SFXN5: variants seen among roughly 807,000 people sequenced by gnomAD.
The protein encoded by SFXN5 is sideroflexin-5.
Under a neutral mutation model 50.2 loss-of-function variants are expected in SFXN5, and 43 were observed. That is an observed-to-expected ratio of 0.86 (90% CI 0.67 to 1.11). The LOEUF (loss-of-function observed/expected upper bound fraction) is 1.11, where lower values mean the gene tolerates loss of function less well. Ranked by LOEUF, SFXN5 falls within the 50% of genes least tolerant of loss-of-function variation. The pLI, the probability that SFXN5 is intolerant of heterozygous loss-of-function variation, is 0.00. For missense variants in SFXN5, 463 were observed against 454.1 expected (o/e 1.02, Z -0.18); for synonymous variants, 203 against 185.8 (o/e 1.09, Z -0.75).
At chr2:72,954,903 C>T (rs997037650) in intron 13 of SFXN5, among the ~76,000 whole-genome samples, 6 of 152,250 alleles carry the variant, frequency 3.9e-5, no homozygotes, top group Non-Finnish European at 8.8e-5. Flanking sequence ...CTGGGAGAAA[C>T]TTGGTTCTTA....
chr2:73,054,414 G>T (rs571214486), intron 2 of SFXN5, among the ~76,000 whole-genome samples: 2 of 152,238 alleles, frequency 1.3e-5, no homozygotes, highest in South Asian at 4.1e-4. Context: ...ACTCATAGGA[G>T]AAATGGGCCA....
rs1362759197 is a variant in SFXN5, at chr2:72,973,763, C to T, written c.626-2078G>A. On this transcript the variant is annotated intron_variant, in intron 10 of 13. Transcript: ENST00000272433. The surrounding 1 kb of genome is among the most constrained non-coding windows in gnomAD (Gnocchi z 5.5). ...CAGGGTAGCCTTGGGAAGCAGCCAC[C>T]TGGCCTCTGTGTTAGTGACATGCCC... Among the ~76,000 whole-genome samples, 3 of 152,188 alleles carry T rather than the reference C, an allele frequency of 2.0e-5. No individual in the cohort carries two copies. The highest frequency in any genetic ancestry group is 2.0e-4 in the Admixed American group (3 of 15,282).
In SFXN5 at chr2:73,071,621, T is replaced by A. The variant is rs764283883; in HGVS notation, c.85A>T (p.Lys29Ter). 1 of 1,613,864 alleles carries A rather than the reference T, an allele frequency of 6.2e-7. No homozygotes were observed. The change falls in exon 1 of 14, where the codon AAA becomes TAA. Residue 29 changes from lysine (K) to a stop codon, truncating the protein, a stop_gained. Transcript: ENST00000272433. LOFTEE classifies it high-confidence loss of function. The stretch of plus-strand genomic sequence containing the variant: ...GTCCTCACCTGCTGGAAGCGGGGTT[T>A]GCCCAGTTGGAAAGGAGGTGCATCG... ...SSDAPPFQLG[K>*]PRFQQTSFYG...
intron 11 of SFXN5, among the ~76,000 whole-genome samples, chr2:72,969,767 T>C (rs1674931904): frequency 6.6e-6 from 1 of 151,826 alleles, no homozygotes; most frequent in Admixed American, 6.6e-5. Flanking sequence ...TGGCTCTGGA[T>C]GAGTCTTTCT....
intron 10 of SFXN5, among the ~76,000 whole-genome samples, 166 bp downstream of exon 10, chr2:72,988,092 G>A (rs1672126259): frequency 6.6e-6 from 1 of 152,068 alleles, no homozygotes; most frequent in African/African-American, 2.4e-5. Context: ...GCTGGTCAGT[G>A]GGACCCCATG....
intron 1 of SFXN5, among the ~76,000 whole-genome samples, chr2:73,069,579 A>G (rs1474488784): frequency 6.6e-6 from 1 of 152,136 alleles, no homozygotes; most frequent in Admixed American, 6.5e-5. Context: ...ATGCTGGAGG[A>G]GGGGAGCTTC....
chr2:72,985,685 A>G (rs1041101329), intron 10 of SFXN5, among the ~76,000 whole-genome samples: 1 of 152,152 alleles, frequency 6.6e-6, no homozygotes, highest in Admixed American at 6.5e-5. Context: ...TCCCGCAAGC[A>G]AGGACTGTCA....
rs764726890 is a variant in SFXN5, at chr2:72,968,472, G to A, written c.803C>T (p.Pro268Leu). 112 of 1,612,820 alleles carry A rather than the reference G, an allele frequency of 6.9e-5. 1 individual carries two copies. Among genetic ancestry groups the A allele is most frequent in the Admixed American group, 1.2e-4 (7 of 59,974 alleles). ...CTTCTCCAGCATGGACATGACGATC[G>A]GGGGTAGCACCAGGATGGGCATGGG... The part of the protein sequence containing the change: ...VLPMPILVLP[P>L]IVMSMLEKTA... Residue 268 changes from proline to leucine, a missense_variant, in exon 12 of 14, where the codon CCG becomes CTG. By Grantham distance (98) the Pro-to-Leu change is moderately conservative. Transcript: ENST00000272433.
intron 10 of SFXN5, among the ~76,000 whole-genome samples, chr2:72,987,451 G>A (rs2105569209): frequency 6.6e-6 from 1 of 151,996 alleles, no homozygotes; most frequent in South Asian, 2.1e-4. Context: ...AGATCTATCA[G>A]TTGATGTATT....
chr2:72,963,252 G>A (rs1050665027), intron 12 of SFXN5, among the ~76,000 whole-genome samples: 1 of 152,210 alleles, frequency 6.6e-6, no homozygotes, highest in Non-Finnish European at 1.5e-5. Context: ...AGTGAAGGGT[G>A]AGAAAAAGAA....
At chr2:73,028,524 G>A (rs1022519043) in intron 3 of SFXN5, among the ~76,000 whole-genome samples, 2 of 152,214 alleles carry the variant, frequency 1.3e-5, no homozygotes, top group African/African-American at 4.8e-5. Flanking sequence ...TGTGGCTAAG[G>A]AAGAGAAACA....
intron 6 of SFXN5, among the ~76,000 whole-genome samples, chr2:73,005,113 A>G (rs1334029002): frequency 6.6e-6 from 1 of 152,176 alleles, no homozygotes; most frequent in African/African-American, 2.4e-5. Flanking sequence ...GAGCGCCCAG[A>G]ATGTGGCTGG....
At chr2:73,034,632 T>C (rs1396085607) in intron 3 of SFXN5, among the ~76,000 whole-genome samples, 1 of 152,140 alleles carries the variant, frequency 6.6e-6, no homozygotes, top group Non-Finnish European at 1.5e-5. Flanking sequence ...GAATGTTGAA[T>C]GATGGACAAG....
intron 10 of SFXN5, among the ~76,000 whole-genome samples, chr2:72,984,734 G>T (rs1349682211): frequency 6.6e-6 from 1 of 152,212 alleles, no homozygotes; most frequent in East Asian, 1.9e-4. Context: ...CAGTCACAGA[G>T]GTCCTGGTGG....
At position 72,945,404 on chromosome 2, in the gene SFXN5, C is replaced by G. The variant is rs770319359; in HGVS notation, c.946-305G>C. 1.3e-5 allele frequency among the ~76,000 whole-genome samples: 2 copies of G among 152,098 alleles called. No homozygotes were observed. Among genetic ancestry groups the G allele is most frequent in the Non-Finnish European group, 2.9e-5 (2 of 68,000 alleles). On this transcript the variant is annotated intron_variant, in intron 13 of 13. Coordinates refer to ENST00000272433, the MANE Select transcript of SFXN5 (RefSeq NM_144579.3). This position sits in a 1 kb window ranked among gnomAD's most constrained non-coding sequence, Gnocchi z 5.8. ...CTGCATCTCCCTCACCCCCAAGAAC[C>G]ATGTCCACTGCACTGCAGACCTACC...
At chr2:73,052,080 A>G (rs866411479) in intron 2 of SFXN5, among the ~76,000 whole-genome samples, 3 of 152,108 alleles carry the variant, frequency 2.0e-5, no homozygotes, top group Non-Finnish European at 2.9e-5. Context: ...AATTGTCCCA[A>G]TGCAGCCAGT....
chr2:72,958,251 G>A (rs946440416), intron 13 of SFXN5, among the ~76,000 whole-genome samples: 4 of 152,188 alleles, frequency 2.6e-5, no homozygotes, highest in Non-Finnish European at 5.9e-5. Flanking sequence ...GCTGTCCCAA[G>A]GTAGGTAAGG....
rs754606615 is a variant in SFXN5, at chr2:72,971,599, C to T, written c.712G>A (p.Val238Met). Residue 238 changes from valine (V) to methionine (M), a missense_variant, in exon 11 of 14, where the codon GTG becomes ATG. Val to Met is a conservative substitution (Grantham distance 21). Transcript: ENST00000272433. ...CGGGCTGCGATCTTGGAGGAGCCCA[C>T]GAGGTTGCCATCGCTGTCCAGGACA... ...IDVLDSDGNL[V>M]GSSKIAARHA... The T allele has an allele frequency of 5.0e-6, 8 of 1,613,866 alleles. No individual in the cohort carries two copies. Among genetic ancestry groups the T allele is most frequent in the African/African-American group, 2.7e-5 (2 of 74,930 alleles).
intron 3 of SFXN5, among the ~76,000 whole-genome samples, chr2:73,037,419 C>T (rs1201292613): frequency 5.3e-5 from 8 of 152,146 alleles, no homozygotes; most frequent in Non-Finnish European, 1.0e-4. Flanking sequence ...AGAAAACCTA[C>T]GTGTCAGCCT....
Sources: gnomAD v4.1 joint callset for allele counts (sites outside exome capture counted in the v4.1 genomes callset) on GRCh38, gnomAD v4.1.1 for gene constraint, Gnocchi (gnomAD v3.1) non-coding constraint, MANE v1.5 for transcripts, NCBI Gene and HGNC (gene_info 2026-07-23, HGNC 2026-07-21) for gene names.